NRXN1: variants seen among roughly 807,000 people sequenced by gnomAD.
NRXN1 encodes the protein neurexin-1.
In NRXN1, 39 loss-of-function variants were observed where a neutral mutation model predicts 150.9. That is an observed-to-expected ratio of 0.26 (90% CI 0.20 to 0.34). The LOEUF is 0.34. Among genes scored for constraint, NRXN1 ranks in the 10% least tolerant of loss-of-function variants. The pLI, the probability that NRXN1 is intolerant of heterozygous loss-of-function variation, is 1.00. For synonymous variants in NRXN1, 924 were observed against 757.0 expected, an observed-to-expected ratio of 1.22 and a Z score of -3.62; for missense variants, 1,815 against 1,949.9, an observed-to-expected ratio of 0.93 and a Z score of 1.30.
intron 5 of NRXN1, among the ~76,000 whole-genome samples, chr2:50,629,203 A>C (rs1373519357): frequency 6.6e-6 from 1 of 151,784 alleles, no homozygotes. Context: ...AATTATCTAA[A>C]ACTTAACACT....
intron 16 of NRXN1, among the ~76,000 whole-genome samples, chr2:50,468,456 T>C (rs2089143413): frequency 6.6e-6 from 1 of 151,616 alleles, no homozygotes; most frequent in African/African-American, 2.4e-5. Context: ...TACTTAAACA[T>C]TGACAGGTAT....
intron 2 of NRXN1, among the ~76,000 whole-genome samples, chr2:50,997,605 T>G (rs1699495539): frequency 7.1e-6 from 1 of 140,712 alleles, no homozygotes; most frequent in South Asian, 2.3e-4. Flanking sequence ...ATTCCTGGGC[T>G]CAAGCCATCC....
intron 17 of NRXN1, among the ~76,000 whole-genome samples, chr2:50,328,684 C>T (rs893194452): frequency 4.6e-5 from 7 of 152,052 alleles, no homozygotes; most frequent in Non-Finnish European, 1.0e-4. Context: ...TGCAGTGAGC[C>T]GAGATCGTGT....
chr2:50,906,002 G>T (rs192796793), intron 5 of NRXN1, among the ~76,000 whole-genome samples: 187 of 152,234 alleles, frequency 1.2e-3, no homozygotes, highest in Non-Finnish European at 1.9e-3. Flanking sequence ...AATATGTGCA[G>T]AAATATGACC....
intron 18 of NRXN1, among the ~76,000 whole-genome samples, chr2:50,220,428 G>A (rs2063797023): frequency 6.6e-6 from 1 of 151,852 alleles, no homozygotes; most frequent in Non-Finnish European, 1.5e-5. Context: ...GATGCAGAAT[G>A]CCTTGAAATA....
intron 17 of NRXN1, among the ~76,000 whole-genome samples, chr2:50,415,693 T>C (rs555937026): frequency 1.3e-5 from 2 of 152,228 alleles, no homozygotes; most frequent in South Asian, 2.1e-4. Flanking sequence ...CACAAGTCTC[T>C]CTAACTGTAA....
chr2:50,747,540 A>G (rs973419841), intron 5 of NRXN1, among the ~76,000 whole-genome samples: 11 of 151,982 alleles, frequency 7.2e-5, no homozygotes, highest in Non-Finnish European at 2.9e-5. Context: ...TCTCACCCCA[A>G]GCCAATCCAG....
chr2:50,622,036 G>A (rs1220948416), intron 6 of NRXN1, among the ~76,000 whole-genome samples: 1 of 152,002 alleles, frequency 6.6e-6, no homozygotes, highest in Non-Finnish European at 1.5e-5. Context: ...GTTTCTTTGT[G>A]CATATCTGAG....
At chr2:50,839,542 C>T (rs934721141) in intron 5 of NRXN1, among the ~76,000 whole-genome samples, 4 of 152,118 alleles carry the variant, frequency 2.6e-5, no homozygotes, top group African/African-American at 7.2e-5. Context: ...TTTTTGAAAC[C>T]GATGAGGCCA....
chr2:50,830,732 A>G (rs1441270889), intron 5 of NRXN1, among the ~76,000 whole-genome samples: 1 of 149,972 alleles, frequency 6.7e-6, no homozygotes, highest in African/African-American at 2.5e-5. Flanking sequence ...CTAGATTCCT[A>G]TAAGAGGTCT....
Position 50,623,497 on chromosome 2 carries a change from C to G in NRXN1, c.951G>C (p.Arg317Ser). 1 of 1,613,412 alleles carries G rather than the reference C, an allele frequency of 6.2e-7. No individual in the cohort carries two copies. The highest frequency in any genetic ancestry group is 8.5e-7 in the Non-Finnish European group (1 of 1,179,514). Residue 317 changes from arginine (R) to serine (S), a missense_variant, in exon 6 of 23, where the codon AGG (arginine) becomes AGC (serine). By Grantham distance (110) the Arg-to-Ser change is moderately radical. Transcript: ENST00000401669. ...TCCCAGTGTGAAGCATCAGTCCATT[C>G]CTCTGAAGGGTTTTAAATGACAGAG... ...EITLSFKTLQ[R>S]NGLMLHTGKS...
intron 2 of NRXN1, among the ~76,000 whole-genome samples, chr2:50,934,878 G>A (rs1688287853): frequency 6.6e-6 from 1 of 152,034 alleles, no homozygotes; most frequent in Non-Finnish European, 1.5e-5. Context: ...AAATGTGTTT[G>A]AATAATTCAA....
At chr2:50,852,460 C>T (rs1430746470) in intron 5 of NRXN1, among the ~76,000 whole-genome samples, 2 of 152,056 alleles carry the variant, frequency 1.3e-5, no homozygotes, top group Non-Finnish European at 2.9e-5. Context: ...AATATGTCTG[C>T]CTGTTTACTC....
At chr2:50,086,424 C>T (rs754662824) in intron 19 of NRXN1, among the ~76,000 whole-genome samples, 7 of 152,060 alleles carry the variant, frequency 4.6e-5, no homozygotes, top group Non-Finnish European at 8.8e-5. Context: ...CTCTTCCAGA[C>T]AAATTGCATG....
rs566496674 is a variant in NRXN1 at position 50,662,142 on chromosome 2, G to A, written c.833-38527C>T. Among the ~76,000 whole-genome samples, 47 of 152,108 alleles carry A rather than the reference G, an allele frequency of 3.1e-4. No individual in the cohort carries two copies. The South Asian group carries it at 5.8e-3, about 19-fold the overall frequency. ...AACTAAACAAAATGTCCTTACCACA[G>A]CTTGCATAATGTAGAAAAGTATATC... is the stretch of plus-strand genomic sequence containing the variant. On this transcript the variant is annotated intron_variant, in intron 5 of 22. Transcript: ENST00000401669.
chr2:50,053,192 G>T, intron 21 of NRXN1, 79 bp downstream of exon 21: 2 of 1,449,488 alleles, frequency 1.4e-6, no homozygotes, highest in Admixed American at 3.4e-5. Context: ...TTCCAATTTA[G>T]AAAAGACGCA....
At chr2:50,653,702 G>T (rs1314375803) in intron 5 of NRXN1, among the ~76,000 whole-genome samples, 2 of 152,012 alleles carry the variant, frequency 1.3e-5, no homozygotes, top group Non-Finnish European at 2.9e-5. Context: ...ATTGCGTGAA[G>T]TATTAGTATA....
chr2:50,620,718 C>T (rs1392132868), intron 7 of NRXN1, among the ~76,000 whole-genome samples: 13 of 152,156 alleles, frequency 8.5e-5, no homozygotes, highest in South Asian at 2.1e-4. Context: ...CCAGTAGAAG[C>T]GGCACACGCT....
chr2:50,247,647 T>C (rs1410449822), intron 17 of NRXN1, among the ~76,000 whole-genome samples: 1 of 152,036 alleles, frequency 6.6e-6, no homozygotes, highest in Non-Finnish European at 1.5e-5. Flanking sequence ...CTGGCAGCAC[T>C]CATCAAGAGT....
Sources: gnomAD v4.1 joint callset for allele counts (sites outside exome capture counted in the v4.1 genomes callset) on GRCh38, gnomAD v4.1.1 for gene constraint, MANE v1.5 for transcripts, NCBI Gene and HGNC (gene_info 2026-07-23, HGNC 2026-07-21) for gene names.